The following SFMBT2 variants were observed in gnomAD, a reference collection of about 807,000 sequenced individuals.
The protein encoded by SFMBT2 is Scm like with four mbt domains 2.
A neutral mutation model predicts 110.1 loss-of-function variants in SFMBT2; 38 were observed. The ratio of observed to expected loss-of-function variants is 0.35; its 90% CI spans 0.27 to 0.45. The LOEUF (loss-of-function observed/expected upper bound fraction) is 0.45, where lower values mean the gene tolerates loss of function less well. Ranked by LOEUF, SFMBT2 falls within the 20% of genes least tolerant of loss-of-function variation. The pLI, the probability that SFMBT2 is intolerant of heterozygous loss-of-function variation, is 1.00. For synonymous variants in SFMBT2, 425 were observed against 425.4 expected, an observed-to-expected ratio of 1.00 and a Z score of 0.01; for missense variants, 1,011 against 1,094.9, an observed-to-expected ratio of 0.92 and a Z score of 1.08.
At chr10:7,210,350 C>A (rs1839300628) in intron 11 of SFMBT2, among the ~76,000 whole-genome samples, 1 of 152,028 alleles carries the variant, frequency 6.6e-6, no homozygotes, top group South Asian at 2.1e-4. Context: ...TCACTCAGAG[C>A]GAATCACAGG....
chr10:7,187,440 AAAG>A (rs1357794351), intron 16 of SFMBT2, among the ~76,000 whole-genome samples: 5 of 152,242 alleles, frequency 3.3e-5, no homozygotes, highest in African/African-American at 9.6e-5. Flanking sequence ...ATTTCTTGAG[AAAG>A]AAGGAAATGA....
chr10:7,382,658 C>A (rs1418245721), intron 1 of SFMBT2, among the ~76,000 whole-genome samples: 1 of 152,088 alleles, frequency 6.6e-6, no homozygotes, highest in African/African-American at 2.4e-5. Context: ...ACCTCAGCAT[C>A]CCACGCGCAG....
chr10:7,350,790 T>C (rs1844288069), intron 4 of SFMBT2, among the ~76,000 whole-genome samples: 1 of 152,246 alleles, frequency 6.6e-6, no homozygotes, highest in African/African-American at 2.4e-5. Context: ...CCCCCTGAGG[T>C]TAGCCTTTGC....
At chr10:7,310,876 T>C (rs1405237643) in intron 4 of SFMBT2, among the ~76,000 whole-genome samples, 1 of 151,908 alleles carries the variant, frequency 6.6e-6, no homozygotes, top group Non-Finnish European at 1.5e-5. Flanking sequence ...TGAAACCCCA[T>C]CTCTACTAAA....
chr10:7,296,677 T>C (rs765423288), intron 4 of SFMBT2, among the ~76,000 whole-genome samples: 47 of 152,374 alleles, frequency 3.1e-4, no homozygotes, highest in Admixed American at 2.5e-3. Context: ...GTTAATTTTA[T>C]GTCACCTTGC....
At chr10:7,249,676 C>T (rs554803730) in intron 7 of SFMBT2, 3 of 383,214 alleles carry the variant, frequency 7.8e-6, no homozygotes, top group East Asian at 1.6e-4. Context: ...AGAGCCCAGT[C>T]GGGCAGTGCC....
At chr10:7,266,124 C>G (rs1271344014) in intron 7 of SFMBT2, among the ~76,000 whole-genome samples, 1 of 151,492 alleles carries the variant, frequency 6.6e-6, no homozygotes, top group Non-Finnish European at 1.5e-5. Flanking sequence ...GAGTCTTGCT[C>G]TGTCACCCAG....
At chr10:7,288,717 G>A (rs972223930) in intron 4 of SFMBT2, among the ~76,000 whole-genome samples, 2 of 151,990 alleles carry the variant, frequency 1.3e-5, no homozygotes, top group Non-Finnish European at 2.9e-5. Flanking sequence ...ATTAACTCTT[G>A]ACCAAGTTCA....
chr10:7,167,770 G>A (rs1019407666), intron 20 of SFMBT2, among the ~76,000 whole-genome samples: 1 of 152,208 alleles, frequency 6.6e-6, no homozygotes, highest in Non-Finnish European at 1.5e-5. Context: ...CTTGCCTAAT[G>A]TGAAATGTGA....
Position 7,367,809 on chromosome 10 carries a change from C to G in SFMBT2, c.276G>C (p.Trp92Cys), listed in dbSNP as rs780622424. 3 of 1,614,164 alleles carry G rather than the reference C, an allele frequency of 1.9e-6. No homozygotes were observed. The highest frequency in any genetic ancestry group is 2.5e-6 in the Non-Finnish European group (3 of 1,180,044). ...CGCACGTGGTAATGATCGTGGCCAC[C>G]CAGTACGTGTCCGGGTTGTTCTTAT... ...VANKNNPDTY[W>C]VATIITTCGQ... is the part of the protein sequence containing the mutation. Residue 92 changes from tryptophan (W) to cysteine (C), a missense_variant, in exon 4 of 21, where the codon TGG (tryptophan) becomes TGC (cysteine). By Grantham distance (215) the Trp-to-Cys change is radical (BLOSUM62 -2). Coordinates refer to ENST00000397167, the MANE Select transcript of SFMBT2 (RefSeq NM_001387889.1). The surrounding 1 kb of genome is among the most constrained non-coding windows in gnomAD (Gnocchi z 6.2).
At chr10:7,274,271 G>C (rs1360833159) in intron 7 of SFMBT2, among the ~76,000 whole-genome samples, 1 of 152,130 alleles carries the variant, frequency 6.6e-6, no homozygotes, top group East Asian at 1.9e-4. Context: ...AGGATCACTT[G>C]AGCCCAGGAT....
chr10:7,159,982 C>T lies in SFMBT2; in HGVS notation c.*3788G>A, dbSNP rs1062839. On this transcript the variant is annotated 3_prime_UTR_variant, in exon 21 of 21. Coordinates refer to ENST00000397167, the MANE Select transcript of SFMBT2 (RefSeq NM_001387889.1). Reference sequence around the variant, plus strand: ...TCTTCAAAAGGCTGATCAAAATCAACCTTCTAGAGAGGGCAGTGTTCAAGG... The same window carrying T: ...TCTTCAAAAGGCTGATCAAAATCAATCTTCTAGAGAGGGCAGTGTTCAAGG... 2.6e-5 allele frequency: 4 copies of T among 152,220 alleles called. No homozygotes were observed. The highest frequency in any genetic ancestry group is 2.6e-4 in the Admixed American group (4 of 15,288). 9.4% of individuals were successfully genotyped at this position (152,220 alleles called of 1,614,324 possible).
chr10:7,288,328 C>T (rs1842162628), intron 4 of SFMBT2, among the ~76,000 whole-genome samples: 1 of 152,188 alleles, frequency 6.6e-6, no homozygotes, highest in South Asian at 2.1e-4. Context: ...CCAGCCTCAC[C>T]CCGCTTATAA....
At chr10:7,251,634 G>C (rs955971670) in intron 7 of SFMBT2, among the ~76,000 whole-genome samples, 1 of 152,176 alleles carries the variant, frequency 6.6e-6, no homozygotes, top group African/African-American at 2.4e-5. Context: ...AAATAATAAA[G>C]CGTAGCCTGA....
chr10:7,228,713 TTCTTTCTTTCTTTCTTTCTTTCCTTTC>T (rs1839986266), intron 9 of SFMBT2, among the ~76,000 whole-genome samples: 2 of 132,036 alleles, frequency 1.5e-5, no homozygotes, highest in African/African-American at 6.1e-5. Context: ...CTTTCTTTCT[TTCTTTCTTTCTTTCTTTCTTTCCTTTC>T]TCTCTCTCTC....
At chr10:7,296,680 C>T (rs1842416034) in intron 4 of SFMBT2, among the ~76,000 whole-genome samples, 2 of 152,222 alleles carry the variant, frequency 1.3e-5, no homozygotes, top group Non-Finnish European at 2.9e-5. Context: ...AATTTTATGT[C>T]ACCTTGCCTG....
chr10:7,200,301 C>G, intron 14 of SFMBT2, 113 bp downstream of exon 14: 2 of 828,820 alleles, frequency 2.4e-6, no homozygotes, highest in Non-Finnish European at 3.5e-6. Context: ...TGGAGAAAAA[C>G]AGAATAGGCT....
At chr10:7,228,579 T>C (rs1417340891) in intron 9 of SFMBT2, among the ~76,000 whole-genome samples, 1 of 152,128 alleles carries the variant, frequency 6.6e-6, no homozygotes, top group Non-Finnish European at 1.5e-5. Flanking sequence ...GCTGCAAAGC[T>C]CTGGGGGCAG....
At chr10:7,355,476 T>C (rs1425462281) in intron 4 of SFMBT2, among the ~76,000 whole-genome samples, 1 of 152,206 alleles carries the variant, frequency 6.6e-6, no homozygotes, top group African/African-American at 2.4e-5. Flanking sequence ...CAGATTCCCA[T>C]ATGTGAGAAC....
Sources: gnomAD v4.1 joint callset for allele counts (sites outside exome capture counted in the v4.1 genomes callset) on GRCh38, gnomAD v4.1.1 for gene constraint, Gnocchi (gnomAD v3.1) non-coding constraint, MANE v1.5 for transcripts, NCBI Gene and HGNC (gene_info 2026-07-23, HGNC 2026-07-21) for gene names.